Variants in ZNF106 observed in about 807,000 individuals in gnomAD.
ZNF106 encodes the protein zinc finger protein 106.
In ZNF106, 67 loss-of-function variants were observed where a neutral mutation model predicts 195.1. The ratio of observed to expected loss-of-function variants is 0.34; its 90% CI spans 0.28 to 0.42. ZNF106 has a LOEUF of 0.42. Ranked by LOEUF, ZNF106 falls within the 10% of genes least tolerant of loss-of-function variation. The pLI is 1.00. For missense variants in ZNF106, 2,118 were observed against 2,304.5 expected (o/e 0.92, Z 1.66); for synonymous variants, 784 against 818.6 (o/e 0.96, Z 0.72).
chr15:42,416,422 G>C lies in ZNF106; in HGVS notation c.*882C>G, dbSNP rs539525592. On this transcript the variant is annotated 3_prime_UTR_variant, in exon 22 of 22. Coordinates refer to ENST00000564754, the MANE Select transcript of ZNF106 (RefSeq NM_001366845.3). ...GTGGGAGAGATGGAGGCTGGCAACT[G>C]AACAAACCAAAAGGGTTCAAACCAA... is the stretch of plus-strand genomic sequence containing the variant. The C allele has an allele frequency of 3.3e-5, 5 of 152,252 alleles. No individual in the cohort carries two copies. The highest frequency in any genetic ancestry group is 1.2e-4 in the African/African-American group (5 of 41,424). The allele number at this position is 152,252 out of a possible 1,614,324, so 9.4% of individuals were successfully genotyped here.
At position 42,450,277 on chromosome 15, in the gene ZNF106, T is replaced by C. The variant is rs1160136012; in HGVS notation, c.1995A>G (p.Pro665=). The change falls in exon 5 of 22, where the codon CCA becomes CCG. Residue 665 remains proline, a synonymous_variant. Coordinates refer to ENST00000564754, the MANE Select transcript of ZNF106 (RefSeq NM_001366845.3). ...LKTSRELSTS[P]CNPIVRQKES... is the part of the protein sequence containing the mutation. ...CTTTCTGGCGAACTATGGGATTACATGGGGAAGTGGATAGCTCTCTAGAAG... is the reference window on the plus strand; with the variant it reads ...CTTTCTGGCGAACTATGGGATTACACGGGGAAGTGGATAGCTCTCTAGAAG... 6.2e-7 allele frequency: 1 copy of C among 1,614,164 alleles called. No individual in the cohort carries two copies. The highest frequency in any genetic ancestry group is 1.7e-5 in the Admixed American group (1 of 60,012).
Position 42,489,155 on chromosome 15 carries a change from C to A in ZNF106, c.-33+1825G>T, listed in dbSNP as rs7168259. Among the ~76,000 whole-genome samples, 1,469 of 150,340 alleles carry A rather than the reference C, an allele frequency of 9.8e-3. 17 individuals are homozygous for A. Among genetic ancestry groups the A allele is most frequent in the African/African-American group, 0.034 (1,406 of 41,082 alleles). ...ACTAGCCTGATCAGATTCGTTCACA[C>A]CCTCTACCTCCTGCCAGGCCATTTT... On this transcript the variant is annotated intron_variant, in intron 1 of 21. Coordinates refer to ENST00000564754, the MANE Select transcript of ZNF106 (RefSeq NM_001366845.3).
rs113757634 is a variant in ZNF106 at position 42,425,508 on chromosome 15, C to CT, written c.4999-484dup. 621 of 149,360 alleles carry CT rather than the reference C, an allele frequency of 4.2e-3. 1 individual carries two copies. The highest frequency in any genetic ancestry group is 5.3e-3 in the Non-Finnish European group (359 of 67,658). The allele number at this position is 149,360 out of a possible 1,614,324, so 9.3% of individuals were successfully genotyped here. ...ATTTCAGTAAGTCTCAAATTCTCCA[C>CT]TTTTTTTTTTTGAGACGGAGTCTCG... On this transcript the variant is annotated intron_variant, in intron 15 of 21. Transcript: ENST00000564754.
chr15:42,413,089 C>G lies in ZNF106; in HGVS notation c.*4215G>C, dbSNP rs528893163. On this transcript the variant is annotated 3_prime_UTR_variant, in exon 22 of 22. Transcript: ENST00000564754. Reference sequence around the variant, plus strand: ...AACAGCTTTTCCTCCTTGACCCCCTCCTTTCCCAATTTATTTGGGTCACTA... The same window carrying G: ...AACAGCTTTTCCTCCTTGACCCCCTGCTTTCCCAATTTATTTGGGTCACTA... 2 of 152,316 alleles carry G rather than the reference C, an allele frequency of 1.3e-5. No individual in the cohort carries two copies. Among genetic ancestry groups the G allele is most frequent in the South Asian group, 2.1e-4 (1 of 4,824 alleles). The allele number at this position is 152,316 out of a possible 1,614,324, so 9.4% of individuals were successfully genotyped here. A position where few individuals can be genotyped will look rare whatever the true frequency, so the allele number is the denominator to read the frequency against.
Position 42,449,958 on chromosome 15 carries a change from G to C in ZNF106, c.2314C>G (p.Pro772Ala). Residue 772 changes from proline (P) to alanine (A), a missense_variant, in exon 5 of 22, where the codon CCA becomes GCA. Pro to Ala is a conservative substitution (Grantham distance 27, BLOSUM62 -1). Coordinates refer to ENST00000564754, the MANE Select transcript of ZNF106 (RefSeq NM_001366845.3). ...KSKTGVHLPE[P>A]NLNSARRIRN... ...ATGCGGCGGGCACTATTGAGGTTTG[G>C]CTCAGGAAGGTGTACTCCAGTTTTG... The C allele has an allele frequency of 6.2e-7, 1 of 1,614,218 alleles. No homozygotes were observed. Among genetic ancestry groups the C allele is most frequent in the East Asian group, 2.2e-5 (1 of 44,892 alleles).
rs115256111 is a variant in ZNF106, at chr15:42,449,541, T to C, written c.2501+230A>G. On this transcript the variant is annotated intron_variant, in intron 5 of 21. Transcript: ENST00000564754. Reference sequence around the variant, plus strand: ...ACTTTTTTCCTACGTCACCACCTTGTTTCTCAAGTAGGTGTGCTTCCATTT... The same window carrying C: ...ACTTTTTTCCTACGTCACCACCTTGCTTCTCAAGTAGGTGTGCTTCCATTT... Among the ~76,000 whole-genome samples the C allele has an allele frequency of 8.2e-3, 1,247 of 152,300 alleles. 17 individuals carry two copies. Among genetic ancestry groups the C allele is most frequent in the African/African-American group, 0.029 (1,198 of 41,558 alleles).
intron 12 of ZNF106, among the ~76,000 whole-genome samples, chr15:42,438,261 C>T (rs951961010): frequency 8.5e-5 from 13 of 152,084 alleles, no homozygotes; most frequent in African/African-American, 1.2e-4. Flanking sequence ...CGTGATGGCG[C>T]GCACCTGTGG....
At chr15:42,422,292 G>A (rs2054693184) in intron 18 of ZNF106, among the ~76,000 whole-genome samples, 1 of 151,936 alleles carries the variant, frequency 6.6e-6, no homozygotes, top group Non-Finnish European at 1.5e-5. Context: ...CAGAAATTAA[G>A]TTTTGACACC....
chr15:42,455,610 G>A (rs1039994959), intron 4 of ZNF106, among the ~76,000 whole-genome samples: 1 of 152,056 alleles, frequency 6.6e-6, no homozygotes, highest in Non-Finnish European at 1.5e-5. Context: ...ATGTTGCCCA[G>A]GCTGGTCTTA....
Position 42,472,255 on chromosome 15 carries a change from A to G in ZNF106, c.35T>C (p.Ile12Thr). The G allele has an allele frequency of 1.3e-6, 2 of 1,535,866 alleles. No individual in the cohort carries two copies. The highest frequency in any genetic ancestry group is 1.7e-6 in the Non-Finnish European group (2 of 1,146,794). The change falls in exon 2 of 22, where the codon ATC (isoleucine) becomes ACC (threonine). Residue 12 changes from isoleucine to threonine, a missense_variant. Physicochemically the swap from Ile to Thr is moderately conservative, Grantham distance 89 (BLOSUM62 -1). Transcript: ENST00000564754. Reference sequence around the variant, plus strand: ...TATTACCTTTTTTGAGCTGTACACGATGTGGCATAATATGCATTTTCGTTC... The same window carrying G: ...TATTACCTTTTTTGAGCTGTACACGGTGTGGCATAATATGCATTTTCGTTC... ...VRERKCILCH[I>T]VYSSKKEMDE...
At chr15:42,490,456 T>C (rs1292368921) in intron 1 of ZNF106, 2 of 151,482 alleles carry the variant, frequency 1.3e-5, no homozygotes, top group Non-Finnish European at 2.9e-5. Flanking sequence ...AAGCATTTCC[T>C]CTCCACAATT....
chr15:42,438,699 T>C, intron 11 of ZNF106, 32 bp from the exon 12 acceptor site: 1 of 1,605,052 alleles, frequency 6.2e-7, no homozygotes, highest in African/African-American at 1.3e-5. Context: ...GTTCTCAGCA[T>C]CTGTGTGAAC....
Position 42,435,432 on chromosome 15 carries a change from G to A in ZNF106, c.4833C>T (p.Ala1611=). Residue 1611 remains alanine, a synonymous_variant, in exon 14 of 22, where the codon GCC becomes GCT. Transcript: ENST00000564754. ...TATGGTCACTGGACCCGGTGTAAAG[G>A]GCAGCATTCTTCCCGGAGGTCTGAG... ...LVTQTSGKNA[A]LYTGSSDHTI... 1 of 1,614,158 alleles carries A rather than the reference G, an allele frequency of 6.2e-7. No homozygotes were observed. The highest frequency in any genetic ancestry group is 8.5e-7 in the Non-Finnish European group (1 of 1,180,042).
At chr15:42,419,374 A>G (rs1439547603) in intron 20 of ZNF106, among the ~76,000 whole-genome samples, 1 of 151,918 alleles carries the variant, frequency 6.6e-6, no homozygotes, top group African/African-American at 2.4e-5. Flanking sequence ...AAAAATAAAT[A>G]ATAAAAATAA....
chr15:42,427,679 G>A (rs1282071533), intron 15 of ZNF106: 1 of 192,280 alleles, frequency 5.2e-6, no homozygotes, highest in East Asian at 1.2e-4. Flanking sequence ...TTTAGTGTAT[G>A]TGCTGTCAAA....
At chr15:42,462,725 CTT>C (rs1188204838) in intron 3 of ZNF106, among the ~76,000 whole-genome samples, 4 of 152,162 alleles carry the variant, frequency 2.6e-5, no homozygotes, top group African/African-American at 9.7e-5. Flanking sequence ...GGAGAGAAGA[CTT>C]TTACTTTTTA....
intron 3 of ZNF106, among the ~76,000 whole-genome samples, chr15:42,462,109 A>T (rs1024021084): frequency 1.3e-5 from 2 of 152,192 alleles, no homozygotes; most frequent in African/African-American, 4.8e-5. Flanking sequence ...TGACATTCCC[A>T]TTGGCAGCTC....
intron 14 of ZNF106, among the ~76,000 whole-genome samples, chr15:42,431,654 T>C (rs2055051107): frequency 6.6e-6 from 1 of 152,200 alleles, no homozygotes; most frequent in African/African-American, 2.4e-5. Context: ...TTTGTATTTT[T>C]AGTAGAGATG....
chr15:42,413,104 T>G lies in ZNF106; in HGVS notation c.*4200A>C, dbSNP rs1034209886. On this transcript the variant is annotated 3_prime_UTR_variant, in exon 22 of 22. Transcript: ENST00000564754. ...TTGACCCCCTCCTTTCCCAATTTAT[T>G]TGGGTCACTACCTTGAATTTAGAGT... 6.6e-6 allele frequency: 1 copy of G among 152,196 alleles called. No homozygotes were observed. The highest frequency in any genetic ancestry group is 1.5e-5 in the Non-Finnish European group (1 of 68,020). 9.4% of individuals were successfully genotyped at this position (152,196 alleles called of 1,614,324 possible). A position where few individuals can be genotyped will look rare whatever the true frequency, so the allele number is the denominator to read the frequency against.
Sources: gnomAD v4.1 joint callset for allele counts (sites outside exome capture counted in the v4.1 genomes callset) on GRCh38, gnomAD v4.1.1 for gene constraint, MANE v1.5 for transcripts, NCBI Gene and HGNC (gene_info 2026-07-23, HGNC 2026-07-21) for gene names.